The following TTLL2 variants were observed in gnomAD, a reference collection of about 807,000 sequenced individuals.
TTLL2 encodes probable tubulin polyglutamylase TTLL2.
A neutral mutation model predicts 7.5 loss-of-function variants in TTLL2; 10 were observed. The ratio of observed to expected loss-of-function variants is 1.33; its 90% CI spans 0.82 to 2.25. The LOEUF is 2.25. Among genes scored for constraint, TTLL2 ranks in the 30% most tolerant of loss-of-function variants. TTLL2 has a pLI of 0.00. For missense variants in TTLL2, 733 were observed against 735.7 expected, an observed-to-expected ratio of 1.00 and a Z score of 0.04; for synonymous variants, 284 against 280.3, an observed-to-expected ratio of 1.01 and a Z score of -0.13.
At chr6:167,328,234 G>A (rs764867566) in intron 1 of TTLL2, 219 of 424,796 alleles carry the variant, frequency 5.2e-4, no homozygotes, top group Non-Finnish European at 1.5e-4. Context: ...CCTGGGAGCC[G>A]CTCTCTCCTA....
rs756160046 is a variant in TTLL2 at position 167,340,553 on chromosome 6, G to A, written c.653G>A (p.Arg218His). Residue 218 changes from arginine to histidine, a missense_variant, in exon 3 of 3, where the codon CGT becomes CAT. Arg to His is a conservative substitution (Grantham distance 29). Coordinates refer to ENST00000239587, the MANE Select transcript of TTLL2 (RefSeq NM_031949.5). ...YWICKPAELSRGRGILIFSDF... is the reference protein window; with the variant it reads ...YWICKPAELSHGRGILIFSDF... ...ATTTGCAAGCCTGCTGAGTTATCTC[G>A]TGGGAGGGGGATACTAATTTTCAGT... 71 of 1,614,208 alleles carry A rather than the reference G, an allele frequency of 4.4e-5. No homozygotes were observed. Among genetic ancestry groups the A allele is most frequent in the South Asian group, 4.0e-4 (36 of 91,084 alleles).
chr6:167,337,395 A>G (rs549021795), intron 1 of TTLL2, among the ~76,000 whole-genome samples: 2 of 152,200 alleles, frequency 1.3e-5, no homozygotes, highest in South Asian at 4.2e-4. Context: ...TGAGGTTTGC[A>G]GACCTGCCCT....
rs145916962 is a variant in TTLL2 at position 167,341,335 on chromosome 6, C to T, written c.1435C>T (p.Arg479Cys). Residue 479 changes from arginine (R) to cysteine (C), a missense_variant, in exon 3 of 3, where the codon CGT becomes TGT. Transcript: ENST00000239587. ...TGTGGTGGAGAAAGCTGTGAGTGTG[C>T]GTCCTGAAGCTGCACCTGCCTCCCA... ...DSVVEKAVSV[R>C]PEAAPASQLE... is the part of the protein sequence containing the mutation. The T allele has an allele frequency of 2.7e-5, 44 of 1,613,600 alleles. No homozygotes were observed. The highest frequency in any genetic ancestry group is 8.8e-5 in the South Asian group (8 of 91,056).
chr6:167,340,400 G>A lies in TTLL2; in HGVS notation c.500G>A (p.Arg167Lys), dbSNP rs1375200915. 2 of 1,614,054 alleles carry A rather than the reference G, an allele frequency of 1.2e-6. No homozygotes were observed. Among genetic ancestry groups the A allele is most frequent in the Non-Finnish European group, 1.7e-6 (2 of 1,180,054 alleles). ...TTGGCCAAACACCTGAAGCACATGA[G>A]GAGGATGTATGGCACTTCCCTGTAC... ...DCLAKHLKHM[R>K]RMYGTSLYQF... The change falls in exon 3 of 3, where the codon AGG becomes AAG. Residue 167 changes from arginine to lysine, a missense_variant. Physicochemically the swap from Arg to Lys is conservative, Grantham distance 26 (BLOSUM62 2). Transcript: ENST00000239587.
Position 167,331,901 on chromosome 6 carries a change from C to T in TTLL2, c.47+6681C>T, listed in dbSNP as rs576311014. Among the ~76,000 whole-genome samples, 7 of 152,236 alleles carry T rather than the reference C, an allele frequency of 4.6e-5. No homozygotes were observed. In the South Asian group the frequency reaches 1.0e-3, roughly 23 times the overall value. On this transcript the variant is annotated intron_variant, in intron 1 of 2. Transcript: ENST00000239587. ...TTTTACGTCTGTAAATTTGTTCTGA[C>T]GACGAGGCACCCCTGCAGTCTCTCT...
chr6:167,327,148 C>A (rs998779669), intron 1 of TTLL2, among the ~76,000 whole-genome samples: 2 of 152,160 alleles, frequency 1.3e-5, no homozygotes, highest in African/African-American at 4.8e-5. Context: ...GGTAGAGGAA[C>A]AGTCGCTTAG....
In TTLL2 at chr6:167,342,173, G is replaced by A. The variant is rs544223196; in HGVS notation, c.*494G>A. Among the ~76,000 whole-genome samples the A allele has an allele frequency of 1.3e-5, 2 of 152,154 alleles. No homozygotes were observed. Among genetic ancestry groups the A allele is most frequent in the Non-Finnish European group, 2.9e-5 (2 of 68,032 alleles). Reference sequence around the variant, plus strand: ...GAGATAAATCACTGAAAGCCCTAATGACTCTGTTGTTTACAAATCCTGGGC... The same window carrying A: ...GAGATAAATCACTGAAAGCCCTAATAACTCTGTTGTTTACAAATCCTGGGC... On this transcript the variant is annotated 3_prime_UTR_variant, in exon 3 of 3. Coordinates refer to ENST00000239587, the MANE Select transcript of TTLL2 (RefSeq NM_031949.5).
At position 167,341,927 on chromosome 6, in the gene TTLL2, A is replaced by T; in HGVS notation, c.*248A>T. 2.1e-6 allele frequency: 1 copy of T among 478,876 alleles called. No individual in the cohort carries two copies. Among genetic ancestry groups the T allele is most frequent in the Non-Finnish European group, 3.7e-6 (1 of 273,382 alleles). 29.7% of individuals were successfully genotyped at this position (478,876 alleles called of 1,614,324 possible). A position where few individuals can be genotyped will look rare whatever the true frequency, so the allele number is the denominator to read the frequency against. On this transcript the variant is annotated 3_prime_UTR_variant, in exon 3 of 3. Transcript: ENST00000239587. Reference sequence around the variant, plus strand: ...GGTGTCTTGAAAGAATTCTACAAATACCACACAGCCTCCCACCAGTAATTG... The same window carrying T: ...GGTGTCTTGAAAGAATTCTACAAATTCCACACAGCCTCCCACCAGTAATTG...
In TTLL2 at chr6:167,338,761, C is replaced by A. The variant is rs1210431872; in HGVS notation, c.162C>A (p.Ile54=). 6.2e-7 allele frequency: 1 copy of A among 1,613,804 alleles called. No homozygotes were observed. The change falls in exon 2 of 3, where the codon ATC becomes ATA. Residue 54 remains isoleucine (I), a synonymous_variant. Coordinates refer to ENST00000239587, the MANE Select transcript of TTLL2 (RefSeq NM_031949.5). Reference sequence around the variant, plus strand: ...GGCTACAGGAAGCAGGTGTTTCCATCCCTCCCAGGCGAGGCCGCCCAACAC... The same window carrying A: ...GGCTACAGGAAGCAGGTGTTTCCATACCTCCCAGGCGAGGCCGCCCAACAC... The part of the protein sequence containing the change: ...GARLQEAGVS[I]PPRRGRPTPT...
intron 2 of TTLL2, among the ~76,000 whole-genome samples, chr6:167,339,747 T>TCC (rs1475423426): frequency 6.6e-6 from 1 of 152,228 alleles, no homozygotes; most frequent in Non-Finnish European, 1.5e-5. Flanking sequence ...TTGTTCTTAA[T>TCC]CATGCTCACT....
In TTLL2 at chr6:167,341,734, C is replaced by T. The variant is rs1224710978; in HGVS notation, c.*55C>T. On this transcript the variant is annotated 3_prime_UTR_variant, in exon 3 of 3. Transcript: ENST00000239587. The stretch of plus-strand genomic sequence containing the variant: ...ACATGGATTTTTAAAAACCAAGGAT[C>T]CTGTCCTAGAGAAAGCAATAGTTCA... 1 of 1,517,854 alleles carries T rather than the reference C, an allele frequency of 6.6e-7. No homozygotes were observed. The highest frequency in any genetic ancestry group is 1.4e-5 in the African/African-American group (1 of 71,606). The allele number at this position is 1,517,854 out of a possible 1,614,324, so 94.0% of individuals were successfully genotyped here.
intron 1 of TTLL2, among the ~76,000 whole-genome samples, chr6:167,331,472 G>GT (rs527306857): frequency 2.6e-4 from 40 of 152,132 alleles, no homozygotes; most frequent in African/African-American, 6.5e-4. Flanking sequence ...TAGATCCACT[G>GT]TTTTTTTAGC....
intron 1 of TTLL2, among the ~76,000 whole-genome samples, chr6:167,325,782 G>A (rs1048430843): frequency 2.6e-5 from 4 of 152,052 alleles, no homozygotes; most frequent in Non-Finnish European, 4.4e-5. Flanking sequence ...AGAAAGGAAG[G>A]GCTTCAAGGA....
chr6:167,326,307 C>G (rs1396697537), intron 1 of TTLL2, among the ~76,000 whole-genome samples: 1 of 152,012 alleles, frequency 6.6e-6, no homozygotes, highest in Non-Finnish European at 1.5e-5. Flanking sequence ...TTCTGTGTTT[C>G]AAGCAATACA....
At position 167,325,155 on chromosome 6, in the gene TTLL2, C is replaced by G. The variant is rs1239191197; in HGVS notation, c.-19C>G. 3 of 1,570,104 alleles carry G rather than the reference C, an allele frequency of 1.9e-6. No homozygotes were observed. Among genetic ancestry groups the G allele is most frequent in the Non-Finnish European group, 2.6e-6 (3 of 1,158,890 alleles). ...GCTGCACAGAGACCCACAGAGGCCA[C>G]CCTCGGAACCAGCGCCCAATGAGAG... On this transcript the variant is annotated 5_prime_UTR_variant, in exon 1 of 3. Transcript: ENST00000239587.
rs34286114 is a variant in TTLL2 at position 167,340,966 on chromosome 6, A to G, written c.1066A>G (p.Ile356Val). The change falls in exon 3 of 3, where the codon ATT becomes GTT. Residue 356 changes from isoleucine (I) to valine (V), a missense_variant. By Grantham distance (29) the Ile-to-Val change is conservative. Transcript: ENST00000239587. The part of the protein sequence containing the change: ...HRMVILTILA[I>V]APSVPFAANC... ...CATGGTTATTCTCACCATTCTCGCC[A>G]TTGCACCATCTGTCCCCTTTGCTGC... 782 of 1,614,000 alleles carry G rather than the reference A, an allele frequency of 4.8e-4. 4 individuals carry two copies. The African/African-American group carries it at 9.0e-3, about 19-fold the overall frequency.
rs1162315467 is a variant in TTLL2 at position 167,341,008 on chromosome 6, T to C, written c.1108T>C (p.Phe370Leu). The C allele has an allele frequency of 6.2e-7, 1 of 1,614,146 alleles. No individual in the cohort carries two copies. The highest frequency in any genetic ancestry group is 8.5e-7 in the Non-Finnish European group (1 of 1,180,022). Reference sequence around the variant, plus strand: ...CTTTGCTGCCAATTGCTTTGAGCTCTTTGGGTTTGATATTTTGATTGATGA... The same window carrying C: ...CTTTGCTGCCAATTGCTTTGAGCTCCTTGGGTTTGATATTTTGATTGATGA... ...VPFAANCFEL[F>L]GFDILIDDNL... Residue 370 changes from phenylalanine (F) to leucine (L), a missense_variant, in exon 3 of 3, where the codon TTT (phenylalanine) becomes CTT (leucine). Physicochemically the swap from Phe to Leu is conservative, Grantham distance 22. Coordinates refer to ENST00000239587, the MANE Select transcript of TTLL2 (RefSeq NM_031949.5).
intron 1 of TTLL2, among the ~76,000 whole-genome samples, chr6:167,331,010 C>T (rs1300895487): frequency 1.3e-5 from 2 of 152,190 alleles, no homozygotes; most frequent in African/African-American, 4.8e-5. Flanking sequence ...TGGGAGAACA[C>T]AGGGTGAGGT....
chr6:167,336,327 AAAT>A (rs1177355050), intron 1 of TTLL2, among the ~76,000 whole-genome samples: 1 of 152,124 alleles, frequency 6.6e-6, no homozygotes, highest in Non-Finnish European at 1.5e-5. Context: ...CTGAAAGAAG[AAAT>A]AATAATATAT....
Sources: allele counts gnomAD v4.1 joint callset (sites outside exome capture counted in the v4.1 genomes callset), GRCh38; gene constraint gnomAD v4.1.1; transcripts MANE v1.5; gene names NCBI Gene and HGNC (gene_info 2026-07-23, HGNC 2026-07-21).